Variants in RFX4 observed in about 807,000 individuals in gnomAD.
The protein encoded by RFX4 is regulatory factor X4.
RFX4 carries 10 observed loss-of-function variants against 95.0 expected under a neutral mutation model. The observed-to-expected ratio is 0.11, with a 90% CI of 0.06 to 0.18. RFX4 has a LOEUF of 0.18. Among genes scored for constraint, RFX4 ranks in the 10% least tolerant of loss-of-function variants. The pLI, the probability that RFX4 is intolerant of heterozygous loss-of-function variation, is 1.00. For missense variants in RFX4, 640 were observed against 922.0 expected (o/e 0.69, Z 3.96); for synonymous variants, 321 against 340.7 (o/e 0.94, Z 0.64).
At chr12:106,667,248 T>C (rs1312760662) in intron 4 of RFX4, among the ~76,000 whole-genome samples, 2 of 152,180 alleles carry the variant, frequency 1.3e-5, no homozygotes, top group Non-Finnish European at 2.9e-5. Flanking sequence ...ATTTCCCTTC[T>C]CCGCATGGAA....
At chr12:106,661,035 A>T (rs1187044641) in intron 4 of RFX4, among the ~76,000 whole-genome samples, 1 of 152,096 alleles carries the variant, frequency 6.6e-6, no homozygotes, top group Non-Finnish European at 1.5e-5. Context: ...TCTTCAACTC[A>T]CACTTATTGA....
At chr12:106,602,247 G>A (rs2039727525) in intron 1 of RFX4, among the ~76,000 whole-genome samples, 1 of 152,172 alleles carries the variant, frequency 6.6e-6, no homozygotes, top group Admixed American at 6.5e-5. Context: ...ACCAGCCCTG[G>A]AGGTTACTCA....
chr12:106,651,653 A>G (rs566040661), intron 3 of RFX4, among the ~76,000 whole-genome samples: 1 of 152,300 alleles, frequency 6.6e-6, no homozygotes, highest in African/African-American at 2.4e-5. Flanking sequence ...GTCTTATGCC[A>G]ACACAAGTGC....
chr12:106,715,133 G>A (rs1341354705), intron 10 of RFX4: 3 of 333,040 alleles, frequency 9.0e-6, no homozygotes, highest in African/African-American at 2.1e-5. Flanking sequence ...AAAGGGACTG[G>A]AAACAGCAGG....
chr12:106,674,848 T>A (rs1405992555), intron 4 of RFX4, among the ~76,000 whole-genome samples: 1 of 152,202 alleles, frequency 6.6e-6, no homozygotes, highest in Non-Finnish European at 1.5e-5. Context: ...TATCTGCTGG[T>A]GAATGAATCC....
chr12:106,684,298 C>T (rs1301204570), intron 5 of RFX4, among the ~76,000 whole-genome samples: 2 of 152,148 alleles, frequency 1.3e-5, no homozygotes, highest in Admixed American at 6.5e-5. Flanking sequence ...AGCTGAAAGG[C>T]AGAGGTTTCA....
chr12:106,646,764 C>A (rs941115736), intron 3 of RFX4, among the ~76,000 whole-genome samples: 1 of 152,100 alleles, frequency 6.6e-6, no homozygotes, highest in Non-Finnish European at 1.5e-5. Flanking sequence ...AGGACAGCTA[C>A]CTGTATTTAA....
Position 106,687,549 on chromosome 12 carries a change from C to CAAAAAAAAAAAAA in RFX4, c.591+456_591+468dup, listed in dbSNP as rs34562413. 2.6e-4 allele frequency among the ~76,000 whole-genome samples: 19 copies of CAAAAAAAAAAAAA among 73,910 alleles called. No homozygotes were observed. In the East Asian group the frequency reaches 4.4e-3, roughly 17 times the overall value. 48.5% of individuals were successfully genotyped at this position (73,910 alleles called of 152,430 possible). On this transcript the variant is annotated intron_variant, in intron 6 of 17. Coordinates refer to ENST00000392842, the MANE Select transcript of RFX4 (RefSeq NM_213594.3). ...GGGCAACAAGAGCGAAACTCCATCTCAAAAAAAAAAAAAAAAGAAAAGAAA... is the reference window on the plus strand; with the variant it reads ...GGGCAACAAGAGCGAAACTCCATCTCAAAAAAAAAAAAAAAAAAAAAAAAAAAAAGAAAAGAAA...
intron 7 of RFX4, among the ~76,000 whole-genome samples, chr12:106,691,527 G>T (rs986127427): frequency 1.3e-5 from 2 of 152,208 alleles, no homozygotes; most frequent in African/African-American, 4.8e-5. Context: ...TCCTATAGCT[G>T]AGAAAAGTCA....
rs140790013 is a variant in RFX4, at chr12:106,596,644, A to T, written c.44-12153A>T. 2.0e-5 allele frequency among the ~76,000 whole-genome samples: 3 copies of T among 152,352 alleles called. No homozygotes were observed. In the East Asian group the frequency reaches 5.8e-4, roughly 29 times the overall value. On this transcript the variant is annotated intron_variant, in intron 1 of 17. Coordinates refer to ENST00000392842, the MANE Select transcript of RFX4 (RefSeq NM_213594.3). The stretch of plus-strand genomic sequence containing the variant: ...GGTCTGTACAGCAACTGAGTATCCA[A>T]ACTGAGGTTTGTTGTTCCAAAGCTG...
chr12:106,608,989 A>G, intron 2 of RFX4, 106 bp downstream of exon 2: 1 of 882,824 alleles, frequency 1.1e-6, no homozygotes, highest in Non-Finnish European at 1.8e-6. Flanking sequence ...CACCTGGAAC[A>G]AGACACTCTC....
At chr12:106,680,228 G>A (rs1038223053) in intron 4 of RFX4, among the ~76,000 whole-genome samples, 5 of 152,062 alleles carry the variant, frequency 3.3e-5, no homozygotes, top group African/African-American at 1.2e-4. Context: ...GAAATGCTGC[G>A]GCATCCATTC....
At chr12:106,740,144 CATT>C (rs1173096162) in intron 15 of RFX4, among the ~76,000 whole-genome samples, 1 of 152,224 alleles carries the variant, frequency 6.6e-6, no homozygotes. Flanking sequence ...CAAATTAAAT[CATT>C]GAGATACTAG....
chr12:106,704,065 CAAAAAAAAA>C (rs34213070), intron 8 of RFX4, among the ~76,000 whole-genome samples: 7 of 40,940 alleles, frequency 1.7e-4, no homozygotes, highest in Admixed American at 1.6e-3. Flanking sequence ...GACACTGTCT[CAAAAAAAAA>C]AAAAAAAAAA....
intron 2 of RFX4, among the ~76,000 whole-genome samples, chr12:106,629,662 A>G (rs1219245212): frequency 1.3e-5 from 2 of 151,982 alleles, no homozygotes; most frequent in East Asian, 1.9e-4. Context: ...TTTTATAGAG[A>G]TGGGGTTTTA....
intron 17 of RFX4, among the ~76,000 whole-genome samples, chr12:106,751,460 G>T (rs2043004221): frequency 6.6e-6 from 1 of 151,650 alleles, no homozygotes. Flanking sequence ...CCAGTAATGG[G>T]ATGGCTGGGT....
At chr12:106,738,256 C>T (rs2042748272) in intron 15 of RFX4, among the ~76,000 whole-genome samples, 1 of 152,174 alleles carries the variant, frequency 6.6e-6, no homozygotes, top group Non-Finnish European at 1.5e-5. Flanking sequence ...ACAAATAAAA[C>T]AGTTCTGCAT....
chr12:106,662,333 A>T (rs1020113811), intron 4 of RFX4: 2 of 175,612 alleles, frequency 1.1e-5, no homozygotes, highest in African/African-American at 4.8e-5. Context: ...ATCTTTTCAT[A>T]TGCTTATTTG....
intron 3 of RFX4, among the ~76,000 whole-genome samples, chr12:106,644,232 T>C (rs1482775571): frequency 1.7e-5 from 2 of 115,492 alleles, no homozygotes; most frequent in African/African-American, 3.0e-5. Flanking sequence ...CATTTCCCCT[T>C]TTTTTTTTTT....
Sources: allele counts gnomAD v4.1 joint callset (sites outside exome capture counted in the v4.1 genomes callset), GRCh38; gene constraint gnomAD v4.1.1; transcripts MANE v1.5; gene names NCBI Gene and HGNC (gene_info 2026-07-23, HGNC 2026-07-21).